The following CTIF variants were observed in gnomAD, a reference collection of about 807,000 sequenced individuals.
CTIF encodes CBP80/20-dependent translation initiation factor.
Under a neutral mutation model 66.0 loss-of-function variants are expected in CTIF, and 21 were observed. The ratio of observed to expected loss-of-function variants is 0.32; its 90% confidence interval spans 0.23 to 0.46. CTIF has a LOEUF of 0.46. Ranked by LOEUF, CTIF falls within the 20% of genes least tolerant of loss-of-function variation. The pLI, the probability that CTIF is intolerant of heterozygous loss-of-function variation, is 1.00. For missense variants in CTIF, 739 were observed against 812.7 expected (o/e 0.91, Z 1.10); for synonymous variants, 345 against 326.4 (o/e 1.06, Z -0.62).
intron 9 of CTIF, among the ~76,000 whole-genome samples, chr18:48,787,292 A>T (rs1911795739): frequency 6.6e-6 from 1 of 152,126 alleles, no homozygotes; most frequent in South Asian, 2.1e-4. Context: ...GAAAGAAGGG[A>T]AGGGGAGGCG....
chr18:48,566,829 G>A (rs1042073572), intron 1 of CTIF: 1 of 152,216 alleles, frequency 6.6e-6, no homozygotes, highest in African/African-American at 2.4e-5. Flanking sequence ...CCATTGGAAG[G>A]GGTAAAGAAT....
chr18:48,803,252 G>T (rs1405458505), intron 9 of CTIF, among the ~76,000 whole-genome samples: 1 of 152,172 alleles, frequency 6.6e-6, no homozygotes, highest in Non-Finnish European at 1.5e-5. Flanking sequence ...GCCACAGTGT[G>T]TGCCCTTTGT....
In CTIF at chr18:48,790,479, C is replaced by T. The variant is rs550867548; in HGVS notation, c.1372-26742C>T. ...CCAAGGGGCAGGCTGCCAAATCCAA[C>T]AGGACGCCCCATGGAGCCCTTTGGC... On this transcript the variant is annotated intron_variant, in intron 9 of 11. Transcript: ENST00000256413. Among the ~76,000 whole-genome samples the T allele has an allele frequency of 1.6e-3, 244 of 152,388 alleles. 1 individual carries two copies. Among genetic ancestry groups the T allele is most frequent in the African/African-American group, 5.7e-3 (239 of 41,596 alleles).
intron 10 of CTIF, among the ~76,000 whole-genome samples, chr18:48,832,447 A>G (rs1479682509): frequency 6.6e-6 from 1 of 151,936 alleles, no homozygotes; most frequent in Non-Finnish European, 1.5e-5. Context: ...AAAGAGGGGG[A>G]AAAGGTAGGA....
intron 9 of CTIF, among the ~76,000 whole-genome samples, chr18:48,782,283 A>G (rs1295930599): frequency 1.3e-5 from 2 of 152,012 alleles, no homozygotes; most frequent in African/African-American, 4.8e-5. Flanking sequence ...AGGGGAAGCC[A>G]TATGAAGCCC....
At chr18:48,802,934 C>A (rs1340894506) in intron 9 of CTIF, among the ~76,000 whole-genome samples, 1 of 152,240 alleles carries the variant, frequency 6.6e-6, no homozygotes, top group Non-Finnish European at 1.5e-5. Context: ...AAACTTCCAG[C>A]CTCTTCTGAG....
In CTIF at chr18:48,572,181, C is replaced by T. The variant is rs78148762; in HGVS notation, c.-29+32869C>T. On this transcript the variant is annotated intron_variant, in intron 1 of 11. Transcript: ENST00000256413. ...TCTTCTTGAAACCTCAGTCTTTGCT[C>T]GTGGGGCCTTCAACTGATTGGAGGA... 5.3e-4 allele frequency among the ~76,000 whole-genome samples: 81 copies of T among 151,970 alleles called. No homozygotes were observed. In the East Asian group the frequency reaches 0.014, roughly 27 times the overall value.
intron 7 of CTIF, among the ~76,000 whole-genome samples, chr18:48,736,789 C>T (rs2092507494): frequency 6.6e-6 from 1 of 152,130 alleles, no homozygotes; most frequent in Non-Finnish European, 1.5e-5. Flanking sequence ...CGGCCTCAGG[C>T]GGGCAAAACA....
intron 1 of CTIF, among the ~76,000 whole-genome samples, chr18:48,577,855 A>G (rs886191548): frequency 1.7e-4 from 26 of 152,192 alleles, no homozygotes; most frequent in Non-Finnish European, 3.4e-4. Flanking sequence ...GATTACAGGT[A>G]TGAGCCACTA....
At chr18:48,826,545 C>A (rs1181047615) in intron 10 of CTIF, 1 of 152,296 alleles carries the variant, frequency 6.6e-6, no homozygotes, top group Non-Finnish European at 1.5e-5. Flanking sequence ...TCCTATAGAA[C>A]TAATGTCCAC....
At chr18:48,622,445 G>A (rs1179334079) in intron 2 of CTIF, among the ~76,000 whole-genome samples, 1 of 152,046 alleles carries the variant, frequency 6.6e-6, no homozygotes, top group African/African-American at 2.4e-5. Context: ...CATGGATCTT[G>A]AAATCACCAA....
chr18:48,823,254 G>C (rs764991394), intron 10 of CTIF, among the ~76,000 whole-genome samples: 2 of 151,326 alleles, frequency 1.3e-5, no homozygotes, highest in Non-Finnish European at 2.9e-5. Context: ...CCAACGTCAA[G>C]ATGCTTTTTC....
At chr18:48,840,275 G>C (rs1417853980) in intron 10 of CTIF, among the ~76,000 whole-genome samples, 1 of 152,152 alleles carries the variant, frequency 6.6e-6, no homozygotes, top group Non-Finnish European at 1.5e-5. Context: ...TCTGTGAAGG[G>C]GGCAAGGTGG....
intron 10 of CTIF, 147 bp from the exon 11 acceptor site, chr18:48,857,441 G>T: frequency 1.6e-6 from 1 of 616,568 alleles, no homozygotes; most frequent in Non-Finnish European, 2.7e-6. Flanking sequence ...ACTTTTGTGG[G>T]CTCTCACTCT....
At chr18:48,774,368 A>G (rs1319944948) in intron 9 of CTIF, among the ~76,000 whole-genome samples, 2 of 152,032 alleles carry the variant, frequency 1.3e-5, no homozygotes, top group Non-Finnish European at 2.9e-5. Context: ...GTCCCTGTAC[A>G]CCGCCAGAGT....
chr18:48,649,569 A>G (rs1257635838), intron 3 of CTIF, among the ~76,000 whole-genome samples: 3 of 152,282 alleles, frequency 2.0e-5, no homozygotes, highest in East Asian at 3.9e-4. Flanking sequence ...AGACTTAAAC[A>G]TCCCTGTCTG....
At chr18:48,639,801 C>A (rs1035405158) in intron 3 of CTIF, among the ~76,000 whole-genome samples, 1 of 152,146 alleles carries the variant, frequency 6.6e-6, no homozygotes, top group Non-Finnish European at 1.5e-5. Flanking sequence ...TAGAGTGTTG[C>A]CCTTGGCCAC....
intron 10 of CTIF, among the ~76,000 whole-genome samples, chr18:48,852,298 A>G (rs2069223119): frequency 1.4e-5 from 2 of 147,578 alleles, no homozygotes; most frequent in African/African-American, 5.0e-5. Context: ...TCCTGATGTT[A>G]ATCCCCATTT....
rs1012762560 is a variant in CTIF at position 48,712,290 on chromosome 18, A to G, written c.584+595A>G. On this transcript the variant is annotated intron_variant, in intron 7 of 11. Coordinates refer to ENST00000256413, the MANE Select transcript of CTIF (RefSeq NM_014772.3). Reference sequence around the variant, plus strand: ...GTGGAGCTCAGACTCCCGAGTGACAATGGGGCCAGGAAAGGGGCAATGAGG... The same window carrying G: ...GTGGAGCTCAGACTCCCGAGTGACAGTGGGGCCAGGAAAGGGGCAATGAGG... 1.2e-4 allele frequency among the ~76,000 whole-genome samples: 19 copies of G among 152,182 alleles called. No individual in the cohort carries two copies. In the East Asian group the frequency reaches 1.3e-3, roughly 11 times the overall value.
Sources: gnomAD v4.1 joint callset for allele counts (sites outside exome capture counted in the v4.1 genomes callset) on GRCh38, gnomAD v4.1.1 for gene constraint, MANE v1.5 for transcripts, NCBI Gene and HGNC (gene_info 2026-07-23, HGNC 2026-07-21) for gene names.